LOC128462377: variants seen among roughly 807,000 people sequenced by gnomAD.
the LOC128462377 span, among the ~76,000 whole-genome samples, chr16:89,416,745 C>T: frequency 1.4e-5 from 2 of 145,512 alleles, no homozygotes; most frequent in Non-Finnish European, 3.0e-5. Context: ...GCCTGGACAA[C>T]GTAACAAGAC....
At chr16:89,374,561 C>T in the LOC128462377 span, among the ~76,000 whole-genome samples, 128 of 152,326 alleles carry the variant, frequency 8.4e-4, no homozygotes, top group Middle Eastern at 0.024. Context: ...GTGAGCTACA[C>T]TCTGTCCTAT....
chr16:89,323,989 T>G, the LOC128462377 span: 1 of 221,502 alleles, frequency 4.5e-6, no homozygotes, highest in South Asian at 5.6e-5. Context: ...ATTCACAGGT[T>G]CAAACCAAAC....
At chr16:89,321,413 G>A in the LOC128462377 span, among the ~76,000 whole-genome samples, 1 of 150,252 alleles carries the variant, frequency 6.7e-6, no homozygotes, top group Non-Finnish European at 1.5e-5. Flanking sequence ...TGTGGGGAGG[G>A]GACTGTGGGG....
At chr16:89,324,152 C>A in the LOC128462377 span, 1 of 1,024,118 alleles carries the variant, frequency 9.8e-7, no homozygotes, top group Non-Finnish European at 1.3e-6. Flanking sequence ...AGCCCTGTTT[C>A]CACTCACATT....
chr16:89,389,924 C>T, the LOC128462377 span, among the ~76,000 whole-genome samples: 1 of 95,064 alleles, frequency 1.1e-5, no homozygotes, highest in Non-Finnish European at 2.0e-5. Flanking sequence ...CTGGGGCGAA[C>T]ACCGAGTGTG....
At chr16:89,398,167 A>G in the LOC128462377 span, among the ~76,000 whole-genome samples, 37 of 150,926 alleles carry the variant, frequency 2.5e-4, no homozygotes, top group African/African-American at 7.2e-4. Context: ...TGACCTCAGC[A>G]CTCTGGGAGG....
At chr16:89,401,178 C>T in the LOC128462377 span, among the ~76,000 whole-genome samples, 1 of 148,810 alleles carries the variant, frequency 6.7e-6, no homozygotes, top group Non-Finnish European at 1.5e-5. Flanking sequence ...ATTGCAACCT[C>T]TGCCTCCCAA....
the LOC128462377 span, chr16:89,323,642 G>C: frequency 3.1e-6 from 1 of 325,372 alleles, no homozygotes; most frequent in African/African-American, 2.3e-5. Context: ...GGCCCTCACA[G>C]GAACCAGGCC....
chr16:89,330,559 T>TG, the LOC128462377 span, among the ~76,000 whole-genome samples: 44 of 144,396 alleles, frequency 3.0e-4, 1 homozygote, highest in South Asian at 7.0e-4. Flanking sequence ...TGGGGTGGTG[T>TG]GGGGGGGAGC....
chr16:89,335,608 T>A, the LOC128462377 span, among the ~76,000 whole-genome samples: 1 of 152,008 alleles, frequency 6.6e-6, no homozygotes, highest in Non-Finnish European at 1.5e-5. Context: ...GAACCTTTGG[T>A]TTGCAAAGCC....
the LOC128462377 span, among the ~76,000 whole-genome samples, chr16:89,354,359 T>C: frequency 6.6e-6 from 1 of 152,158 alleles, no homozygotes; most frequent in African/African-American, 2.4e-5. Context: ...AAAATGATTT[T>C]ACTAACATTA....
chr16:89,344,238 G>C, the LOC128462377 span, among the ~76,000 whole-genome samples: 1 of 152,152 alleles, frequency 6.6e-6, no homozygotes, highest in African/African-American at 2.4e-5. Context: ...AATTACATCT[G>C]CACGGTGCTT....
the LOC128462377 span, among the ~76,000 whole-genome samples, chr16:89,391,183 G>A: frequency 1.3e-5 from 2 of 148,946 alleles, no homozygotes; most frequent in Non-Finnish European, 1.5e-5. Context: ...AGCCGAGATC[G>A]CGCCACTGAA....
At chr16:89,370,230 G>A in the LOC128462377 span, among the ~76,000 whole-genome samples, 6 of 152,342 alleles carry the variant, frequency 3.9e-5, no homozygotes, top group African/African-American at 1.2e-4. Context: ...GGCGAGGGGA[G>A]CCCATGTCCA....
the LOC128462377 span, among the ~76,000 whole-genome samples, chr16:89,334,884 G>C: frequency 8.5e-5 from 13 of 152,266 alleles, no homozygotes; most frequent in East Asian, 2.5e-3. Context: ...CCAGACACGA[G>C]TGTGTCTGCT....
the LOC128462377 span, among the ~76,000 whole-genome samples, chr16:89,371,393 G>C: frequency 6.6e-6 from 1 of 152,184 alleles, no homozygotes; most frequent in Non-Finnish European, 1.5e-5. Flanking sequence ...TTTAAATCAA[G>C]TCATTCCCTG....
At chr16:89,367,578 C>T in the LOC128462377 span, among the ~76,000 whole-genome samples, 8 of 152,194 alleles carry the variant, frequency 5.3e-5, no homozygotes, top group Non-Finnish European at 8.8e-5. Context: ...GTTCCTGACC[C>T]GTCCCTCCTC....
At chr16:89,403,049 A>C in the LOC128462377 span, among the ~76,000 whole-genome samples, 1,359 of 152,258 alleles carry the variant, frequency 8.9e-3, 30 homozygotes, top group African/African-American at 0.031. Flanking sequence ...TGCCTCGCTC[A>C]ACTGCGTGGT....
At chr16:89,380,557 G>A in the LOC128462377 span, among the ~76,000 whole-genome samples, 1 of 97,382 alleles carries the variant, frequency 1.0e-5, no homozygotes, top group Non-Finnish European at 2.2e-5. Flanking sequence ...AGCAGCCCCA[G>A]GACCTGCCCG....
Sources: gnomAD v4.1 joint callset for allele counts (sites outside exome capture counted in the v4.1 genomes callset) on GRCh38, gnomAD v4.1.1 for gene constraint, MANE v1.5 for transcripts.